The following MAPT variants were observed in gnomAD, a reference collection of about 807,000 sequenced individuals.
MAPT encodes the protein microtubule-associated protein tau.
In MAPT, 34 loss-of-function variants were observed where a neutral mutation model predicts 67.9. That is an observed-to-expected ratio of 0.50 (90% CI 0.38 to 0.67). MAPT has a LOEUF of 0.67. Ranked by LOEUF, MAPT falls within the 30% of genes least tolerant of loss-of-function variation. The probability of loss-of-function intolerance (pLI) is 0.00; values close to 1 mark genes in which losing one functional copy is unlikely to be tolerated. For synonymous variants in MAPT, 456 were observed against 464.5 expected (o/e 0.98, Z 0.23); for missense variants, 881 against 1,115.2 (o/e 0.79, Z 2.99).
intron 1 of MAPT, among the ~76,000 whole-genome samples, chr17:45,917,235 C>T (rs934070198): frequency 1.3e-5 from 2 of 152,218 alleles, no homozygotes; most frequent in Non-Finnish European, 2.9e-5. Flanking sequence ...TTGCAGAGTG[C>T]GAGCTCTGCC....
intron 1 of MAPT, among the ~76,000 whole-genome samples, chr17:45,952,684 A>G (rs1262818957): frequency 6.6e-6 from 1 of 152,078 alleles, no homozygotes; most frequent in Non-Finnish European, 1.5e-5. Context: ...TTCTCAGCCT[A>G]TGGACCCACA....
At chr17:45,964,817 T>G (rs1421565849) in intron 2 of MAPT, among the ~76,000 whole-genome samples, 1 of 152,034 alleles carries the variant, frequency 6.6e-6, no homozygotes, top group Non-Finnish European at 1.5e-5. Flanking sequence ...ATCTTTTTCT[T>G]TCTCTGCTGT....
In MAPT at chr17:45,995,308, CTCAGACT is replaced by C. The variant is rs2074384985; in HGVS notation, c.1733-1086_1733-1080del. Among the ~76,000 whole-genome samples, 1 of 152,168 alleles carries C rather than the reference CTCAGACT, an allele frequency of 6.6e-6. No individual in the cohort carries two copies. The highest frequency in any genetic ancestry group is 1.5e-5 in the Non-Finnish European group (1 of 68,028). On this transcript the variant is annotated intron_variant, in intron 8 of 12. Transcript: ENST00000262410. The surrounding 1 kb of genome is among the most constrained non-coding windows in gnomAD (Gnocchi z 4.3). The stretch of plus-strand genomic sequence containing the variant: ...TCGGCACAGGGTGAGGCCTGCGGTT[CTCAGACT>C]TCAGTCTTTGTGGAGCTTGAGAAAA...
chr17:46,014,140 T>G, intron 10 of MAPT, 103 bp from the exon 11 acceptor site: 3 of 743,956 alleles, frequency 4.0e-6, no homozygotes, highest in African/African-American at 1.7e-5. Flanking sequence ...TGCTTCTCAT[T>G]GAGTTACACC....
At chr17:45,966,282 G>C (rs1378743146) in intron 2 of MAPT, among the ~76,000 whole-genome samples, 1 of 152,154 alleles carries the variant, frequency 6.6e-6, no homozygotes, top group Non-Finnish European at 1.5e-5. Flanking sequence ...AAAATAACAA[G>C]TTCGTTTAAA....
chr17:45,956,227 C>T (rs937370732), intron 1 of MAPT, among the ~76,000 whole-genome samples: 19 of 152,168 alleles, frequency 1.2e-4, no homozygotes, highest in African/African-American at 4.1e-4. Context: ...AGTGTGTGGG[C>T]AGTGGGCTGG....
intron 12 of MAPT, among the ~76,000 whole-genome samples, chr17:46,021,227 G>A (rs1013554467): frequency 2.0e-5 from 3 of 152,240 alleles, no homozygotes; most frequent in Non-Finnish European, 4.4e-5. Context: ...GTAGCTGGCC[G>A]AGAGCTCTCG....
rs537557731 is a variant in MAPT, at chr17:45,952,984, T to C, written c.-17-9337T>C. Among the ~76,000 whole-genome samples, 4 of 147,132 alleles carry C rather than the reference T, an allele frequency of 2.7e-5. No individual in the cohort carries two copies. In the South Asian group the frequency reaches 9.2e-4, roughly 34 times the overall value. On this transcript the variant is annotated intron_variant, in intron 1 of 12. Transcript: ENST00000262410. ...ACCTGGGGCAGGTAACTTCCCAGAC[T>C]CCTGGGAATCATAACACCTATGATG...
intron 1 of MAPT, among the ~76,000 whole-genome samples, chr17:45,905,074 G>A (rs971167240): frequency 2.6e-5 from 4 of 152,122 alleles, no homozygotes; most frequent in Admixed American, 2.6e-4. Flanking sequence ...GAAATTCCAC[G>A]CTGGCCCCAA....
In MAPT at chr17:45,941,692, T is replaced by TTCCC. The variant is rs1352965099; in HGVS notation, c.-17-20626_-17-20625insCTCC. Among the ~76,000 whole-genome samples the TTCCC allele has an allele frequency of 5.2e-3, 376 of 71,732 alleles. 21 individuals carry two copies. Among genetic ancestry groups the TTCCC allele is most frequent in the African/African-American group, 0.017 (244 of 14,672 alleles). The allele number at this position is 71,732 out of a possible 152,430, so 47.1% of individuals were successfully genotyped here. A position where few individuals can be genotyped will look rare whatever the true frequency, so the allele number is the denominator to read the frequency against. On this transcript the variant is annotated intron_variant, in intron 1 of 12. Coordinates refer to ENST00000262410, the MANE Select transcript of MAPT (RefSeq NM_001377265.1). ...CTTCCCCCCTTCCCTCCTTCCTTCC[T>TTCCC]TCCTTCCTGCCTGCCTTCCTTCCTT...
At chr17:45,941,591 C>T (rs1279538912) in intron 1 of MAPT, among the ~76,000 whole-genome samples, 2 of 132,244 alleles carry the variant, frequency 1.5e-5, no homozygotes, top group South Asian at 5.8e-4. Flanking sequence ...TTTGCCCGCC[C>T]TTCCTTCCTT....
chr17:45,978,478 TGGGGGGA>T, intron 4 of MAPT, 38 bp downstream of exon 4: 5 of 865,260 alleles, frequency 5.8e-6, no homozygotes, highest in Non-Finnish European at 7.3e-6. Flanking sequence ...ACTTGGGGGT[TGGGGGGA>T]GGGACATGGG....
intron 5 of MAPT, among the ~76,000 whole-genome samples, chr17:45,986,561 C>A (rs1310407174): frequency 6.6e-6 from 1 of 152,196 alleles, no homozygotes; most frequent in East Asian, 1.9e-4. Context: ...AATGCACCCA[C>A]CCCCATCCTT....
chr17:46,001,989 A>G (rs2075040081), intron 9 of MAPT, among the ~76,000 whole-genome samples: 1 of 152,226 alleles, frequency 6.6e-6, no homozygotes, highest in Non-Finnish European at 1.5e-5. Flanking sequence ...TGCTGGGTGC[A>G]GGAGCTGAAG....
intron 1 of MAPT, among the ~76,000 whole-genome samples, chr17:45,921,410 C>T (rs185408495): frequency 2.0e-4 from 30 of 152,248 alleles, no homozygotes; most frequent in South Asian, 1.0e-3. Context: ...ATTAGCAGCT[C>T]GGAGAGCTCA....
chr17:45,961,393 C>A (rs1333132021), intron 1 of MAPT, among the ~76,000 whole-genome samples: 1 of 152,144 alleles, frequency 6.6e-6, no homozygotes, highest in Non-Finnish European at 1.5e-5. Flanking sequence ...TGCTTCTCAG[C>A]CCACCAGGAG....
In MAPT at chr17:46,022,353, C is replaced by CAAAAA. The variant is rs56222318; in HGVS notation, c.2287-1587_2287-1583dup. Among the ~76,000 whole-genome samples, 116 of 89,624 alleles carry CAAAAA rather than the reference C, an allele frequency of 1.3e-3. 1 individual carries two copies. Among genetic ancestry groups the CAAAAA allele is most frequent in the African/African-American group, 5.2e-3 (112 of 21,660 alleles). 58.8% of individuals were successfully genotyped at this position (89,624 alleles called of 152,430 possible). A position where few individuals can be genotyped will look rare whatever the true frequency, so the allele number is the denominator to read the frequency against. On this transcript the variant is annotated intron_variant, in intron 12 of 12. Coordinates refer to ENST00000262410, the MANE Select transcript of MAPT (RefSeq NM_001377265.1). ...TGGGTGACAAGGTGAATCTTTGTCT[C>CAAAAA]AAAAAAAAAAAAAAAAAAAAGATAA... is the stretch of plus-strand genomic sequence containing the variant.
chr17:45,983,824 C>G lies in MAPT; in HGVS notation c.1245C>G (p.Pro415=). The stretch of plus-strand genomic sequence containing the variant: ...GAGAGGGGCCAGAGGCCCGGGGCCC[C>G]TCTTTGGGAGAGGACACAAAAGAGG... ...APGEGPEARG[P]SLGEDTKEAD... The change falls in exon 5 of 13, where the codon CCC becomes CCG. Residue 415 remains proline, a synonymous_variant. Coordinates refer to ENST00000262410, the MANE Select transcript of MAPT (RefSeq NM_001377265.1). The G allele has an allele frequency of 6.2e-7, 1 of 1,612,898 alleles. No individual in the cohort carries two copies. Among genetic ancestry groups the G allele is most frequent in the South Asian group, 1.1e-5 (1 of 91,068 alleles).
chr17:45,983,317 G>T lies in MAPT; in HGVS notation c.738G>T (p.Ser246=). Residue 246 remains serine, a synonymous_variant, in exon 5 of 13, where the codon TCG becomes TCT. Transcript: ENST00000262410. ...CCAGAGAGGCCACACGCCAACCTTC[G>T]GGGACAGGACCTGAGGACACAGAGG... is the stretch of plus-strand genomic sequence containing the variant. ...EGPREATRQP[S]GTGPEDTEGG... is the part of the protein sequence containing the mutation. 1.2e-6 allele frequency: 2 copies of T among 1,601,384 alleles called. No individual in the cohort carries two copies. Among genetic ancestry groups the T allele is most frequent in the East Asian group, 4.5e-5 (2 of 44,366 alleles).
Sources: allele counts gnomAD v4.1 joint callset (sites outside exome capture counted in the v4.1 genomes callset), GRCh38; gene constraint gnomAD v4.1.1; non-coding constraint Gnocchi (gnomAD v3.1); transcripts MANE v1.5; gene names NCBI Gene and HGNC (gene_info 2026-07-23, HGNC 2026-07-21).